RBM28: variants seen among roughly 807,000 people sequenced by gnomAD.
RBM28 encodes the protein RNA binding motif protein 28.
Under a neutral mutation model 98.3 loss-of-function variants are expected in RBM28, and 78 were observed. That is an observed-to-expected ratio of 0.79 (90% CI 0.66 to 0.96). RBM28 has a LOEUF of 0.96. Among genes scored for constraint, RBM28 ranks in the 40% least tolerant of loss-of-function variants. The pLI, the probability that RBM28 is intolerant of heterozygous loss-of-function variation, is 0.00. For missense variants in RBM28, 838 were observed against 913.0 expected (o/e 0.92, Z 1.06); for synonymous variants, 306 against 330.9 (o/e 0.92, Z 0.82).
intron 15 of RBM28, 33 bp from the exon 16 acceptor site, chr7:128,317,766 ACTT>A: frequency 2.0e-6 from 3 of 1,528,348 alleles, no homozygotes; most frequent in Non-Finnish European, 2.7e-6. Flanking sequence ...CATTCATTAG[ACTT>A]CTTAATCTGT....
At chr7:128,336,511 G>A (rs1290249969) in intron 6 of RBM28, among the ~76,000 whole-genome samples, 2 of 152,158 alleles carry the variant, frequency 1.3e-5, no homozygotes, top group Non-Finnish European at 2.9e-5. Flanking sequence ...ATTATGCACA[G>A]CCTGGAAACA....
Position 128,324,670 on chromosome 7 carries a change from G to C in RBM28, c.1228C>G (p.Arg410Gly). 2 of 1,614,102 alleles carry C rather than the reference G, an allele frequency of 1.2e-6. No homozygotes were observed. The highest frequency in any genetic ancestry group is 1.7e-6 in the Non-Finnish European group (2 of 1,180,024). Residue 410 changes from arginine (R) to glycine (G), a missense_variant, in exon 12 of 19, where the codon CGG becomes GGG. Coordinates refer to ENST00000223073, the MANE Select transcript of RBM28 (RefSeq NM_018077.3). Reference protein sequence around the residue: ...NEAGGLKLDGRQLKVDLAVTR... With the variant: ...NEAGGLKLDGGQLKVDLAVTR... The stretch of plus-strand genomic sequence containing the variant: ...ACCGCCAAGTCAACCTTGAGCTGCC[G>C]GCCATCCAGTTTAAGCCCACCAGCC...
rs1795819820 is a variant in RBM28, at chr7:128,304,180, T to TC, written c.*6616_*6617insG. On this transcript the variant is annotated 3_prime_UTR_variant, in exon 19 of 19. Transcript: ENST00000223073. ...AAAATGATGTGCAGCACATAATTTA[T>TC]AAATAAAATATACAATGCCATTTAT... 6.8e-6 allele frequency: 1 copy of TC among 147,252 alleles called. No homozygotes were observed. Among genetic ancestry groups the TC allele is most frequent in the African/African-American group, 2.7e-5 (1 of 37,678 alleles). 9.1% of individuals were successfully genotyped at this position (147,252 alleles called of 1,614,324 possible). A position where few individuals can be genotyped will look rare whatever the true frequency, so the allele number is the denominator to read the frequency against.
rs142393569 is a variant in RBM28 at position 128,314,865 on chromosome 7, G to A, written c.1944C>T (p.Thr648=). The A allele has an allele frequency of 1.1e-4, 172 of 1,614,096 alleles. No individual in the cohort carries two copies. The African/African-American group carries it at 1.3e-3, about 13-fold the overall frequency. Residue 648 remains threonine (T), a synonymous_variant, in exon 17 of 19, where the codon ACC becomes ACT. Transcript: ENST00000223073. ...CCACTTCAGCCTTGGTCTGGAACCC[G>A]GTCCATGAGGTAGAGCCCGCCTTTC... is the stretch of plus-strand genomic sequence containing the variant. ...QKRKAGSTSW[T]GFQTKAEVEQ...
intron 2 of RBM28, 81 bp downstream of exon 2, chr7:128,339,552 C>G (rs1408731477): frequency 3.3e-6 from 5 of 1,504,020 alleles, no homozygotes; most frequent in Non-Finnish European, 4.6e-6. Flanking sequence ...CTAGAAGCTA[C>G]CTCCATGCCT....
intron 13 of RBM28, among the ~76,000 whole-genome samples, chr7:128,322,434 A>G (rs1796257186): frequency 6.6e-6 from 1 of 152,200 alleles, no homozygotes; most frequent in Admixed American, 6.5e-5. Flanking sequence ...TCTTTTGTCA[A>G]GTCTTCTCAG....
At chr7:128,336,179 CAGGAGAA>C in intron 6 of RBM28, 137 bp from the exon 7 acceptor site, 1 of 796,078 alleles carries the variant, frequency 1.3e-6, no homozygotes, top group Non-Finnish European at 2.0e-6. Flanking sequence ...CTGCATATAA[CAGGAGAA>C]AGTATAAAGA....
chr7:128,315,506 T>C (rs1250698515), intron 16 of RBM28, among the ~76,000 whole-genome samples: 2 of 152,028 alleles, frequency 1.3e-5, no homozygotes, highest in South Asian at 2.1e-4. Context: ...AAATCAAAGA[T>C]AAAATCTTGA....
At chr7:128,320,889 G>A (rs1034135360) in intron 14 of RBM28, among the ~76,000 whole-genome samples, 1 of 152,208 alleles carries the variant, frequency 6.6e-6, no homozygotes. Flanking sequence ...TTGATGGCCC[G>A]GCACAGTGGC....
rs1393548570 is a variant in RBM28 at position 128,338,243 on chromosome 7, A to AGG, written c.541+6_541+7insCC. 6.2e-7 allele frequency: 1 copy of AGG among 1,609,706 alleles called. No individual in the cohort carries two copies. Among genetic ancestry groups the AGG allele is most frequent in the Non-Finnish European group, 8.5e-7 (1 of 1,176,012 alleles). On this transcript the variant is annotated splice_region_variant and intron_variant, in intron 5 of 18. Coordinates refer to ENST00000223073, the MANE Select transcript of RBM28 (RefSeq NM_018077.3). Reference sequence around the variant, plus strand: ...CTGGGTCAATGATATGGGTATAGAAAGCTTACCTTTTATCTCTTTCATGTT... The same window carrying AGG: ...CTGGGTCAATGATATGGGTATAGAAAGGGCTTACCTTTTATCTCTTTCATGTT...
In RBM28 at chr7:128,307,091, G is replaced by A. The variant is rs117330075; in HGVS notation, c.*3706C>T. ...GTGCCAATTAAGGCTGAGTTGAAAA[G>A]GAGCTGGGCATCATCAAACTGCAAA... On this transcript the variant is annotated 3_prime_UTR_variant, in exon 19 of 19. Coordinates refer to ENST00000223073, the MANE Select transcript of RBM28 (RefSeq NM_018077.3). 6.6e-6 allele frequency: 1 copy of A among 152,384 alleles called. No homozygotes were observed. The highest frequency in any genetic ancestry group is 1.9e-4 in the East Asian group (1 of 5,196). 9.4% of individuals were successfully genotyped at this position (152,384 alleles called of 1,614,324 possible).
At position 128,297,768 on chromosome 7, in the gene RBM28, T is replaced by C. The variant is rs1460380197; in HGVS notation, c.*13029A>G. 6.6e-6 allele frequency: 1 copy of C among 151,980 alleles called. No homozygotes were observed. Among genetic ancestry groups the C allele is most frequent in the East Asian group, 1.9e-4 (1 of 5,182 alleles). The allele number at this position is 151,980 out of a possible 1,614,324, so 9.4% of individuals were successfully genotyped here. ...ACCCAAATGTCCAACAATGATAGAC[T>C]GGATTAAGAAAATGTGGCACATATA... On this transcript the variant is annotated 3_prime_UTR_variant, in exon 19 of 19. Transcript: ENST00000223073.
intron 6 of RBM28, 48 bp from the exon 7 acceptor site, chr7:128,336,090 A>G: frequency 6.6e-7 from 1 of 1,526,342 alleles, no homozygotes; most frequent in Non-Finnish European, 8.9e-7. Context: ...TATCCAAAAC[A>G]ATGTTATTTT....
chr7:128,311,042 C>A, intron 18 of RBM28, 111 bp from the exon 19 acceptor site: 1 of 1,088,948 alleles, frequency 9.2e-7, no homozygotes, highest in Non-Finnish European at 1.4e-6. Context: ...TCATATCTAC[C>A]AGAAAGGGGT....
Position 128,301,846 on chromosome 7 carries a change from C to A in RBM28, c.*8951G>T, listed in dbSNP as rs1270680774. ...AGACACCCCCACAGGAAGGATGGGC[C>A]CAGAAACTGACTTTCCATGGCTCCG... On this transcript the variant is annotated 3_prime_UTR_variant, in exon 19 of 19. Transcript: ENST00000223073. 2 of 152,248 alleles carry A rather than the reference C, an allele frequency of 1.3e-5. No individual in the cohort carries two copies. The highest frequency in any genetic ancestry group is 4.8e-5 in the African/African-American group (2 of 41,444). The allele number at this position is 152,248 out of a possible 1,614,324, so 9.4% of individuals were successfully genotyped here. A position where few individuals can be genotyped will look rare whatever the true frequency, so the allele number is the denominator to read the frequency against.
In RBM28 at chr7:128,339,708, A is replaced by G; in HGVS notation, c.202T>C (p.Phe68Leu). The G allele has an allele frequency of 6.2e-7, 1 of 1,613,924 alleles. No individual in the cohort carries two copies. The highest frequency in any genetic ancestry group is 8.5e-7 in the Non-Finnish European group (1 of 1,179,852). Reference sequence around the variant, plus strand: ...GTCACGTTGATCTTGCAACCTTCAAAGGTGGTAATCTCCTTGAGGGCCCTC... The same window carrying G: ...GTCACGTTGATCTTGCAACCTTCAAGGGTGGTAATCTCCTTGAGGGCCCTC... ...VQRALKEITTFEGCKINVTVA... is the reference protein window; with the variant it reads ...VQRALKEITTLEGCKINVTVA... Residue 68 changes from phenylalanine to leucine, a missense_variant, in exon 2 of 19, where the codon TTT (phenylalanine) becomes CTT (leucine). Coordinates refer to ENST00000223073, the MANE Select transcript of RBM28 (RefSeq NM_018077.3).
At chr7:128,335,703 A>G (rs757698250) in intron 7 of RBM28, 24 bp from the exon 8 acceptor site, 7 of 1,614,150 alleles carry the variant, frequency 4.3e-6, no homozygotes, top group African/African-American at 1.3e-5. Context: ...GATCAGAACT[A>G]AGGAGGTGGG....
At chr7:128,317,080 G>A (rs1378197432) in intron 16 of RBM28, among the ~76,000 whole-genome samples, 2 of 152,176 alleles carry the variant, frequency 1.3e-5, no homozygotes, top group Non-Finnish European at 2.9e-5. Context: ...CGATGGACAT[G>A]TATTATCTCA....
intron 10 of RBM28, among the ~76,000 whole-genome samples, chr7:128,326,134 C>T (rs910546006): frequency 2.6e-5 from 4 of 152,016 alleles, no homozygotes; most frequent in East Asian, 1.9e-4. Context: ...GAAACCCCGT[C>T]GCTACTAAAA....
Sources: gnomAD v4.1 joint callset for allele counts (sites outside exome capture counted in the v4.1 genomes callset) on GRCh38, gnomAD v4.1.1 for gene constraint, MANE v1.5 for transcripts, NCBI Gene and HGNC (gene_info 2026-07-23, HGNC 2026-07-21) for gene names.